The following CAND2 variants were observed in gnomAD, a reference collection of about 807,000 sequenced individuals.
The protein encoded by CAND2 is cullin-associated NEDD8-dissociated protein 2.
Under a neutral mutation model 98.9 loss-of-function variants are expected in CAND2, and 62 were observed. That is an observed-to-expected ratio of 0.63 (90% CI 0.51 to 0.77). The LOEUF is 0.77. Ranked by LOEUF, CAND2 falls within the 30% of genes least tolerant of loss-of-function variation. The pLI is 0.00. For synonymous variants in CAND2, 770 were observed against 731.9 expected, an observed-to-expected ratio of 1.05 and a Z score of -0.84; for missense variants, 1,501 against 1,655.2, an observed-to-expected ratio of 0.91 and a Z score of 1.62.
chr3:12,808,228 A>G lies in CAND2; in HGVS notation c.386A>G (p.Asn129Ser), dbSNP rs2061822516. 2 of 1,551,034 alleles carry G rather than the reference A, an allele frequency of 1.3e-6. No homozygotes were observed. The highest frequency in any genetic ancestry group is 1.7e-6 in the Non-Finnish European group (2 of 1,146,876). The stretch of plus-strand genomic sequence containing the variant: ...TGTGCAGGCTCCGGGCTGGCCACCA[A>G]CGTGTGCCGGAAGATCACAGGCCAG... ...PAATGSGLAT[N>S]VCRKITGQLT... Residue 129 changes from asparagine to serine, a missense_variant, in exon 4 of 15, where the codon AAC (asparagine) becomes AGC (serine). Asn to Ser is a conservative substitution (Grantham distance 46). Around this residue, in one of 3 missense-constraint regions of CAND2, gnomAD observed 1,427 missense variants for 1,545.3 expected, o/e 0.92. Transcript: ENST00000456430.
Position 12,810,093 on chromosome 3 carries a change from C to T in CAND2, c.526C>T (p.Leu176Phe). Reference protein sequence around the residue: ...GVPLGAFHASLLHCLLPQLSS... With the variant: ...GVPLGAFHASFLHCLLPQLSS... ...CCCGCTGGGCGCCTTCCACGCCAGC[C>T]TCCTGCACTGTCTGCTGCCACAGCT... The change falls in exon 5 of 15, where the codon CTC becomes TTC. Residue 176 changes from leucine to phenylalanine, a missense_variant. Physicochemically the swap from Leu to Phe is conservative, Grantham distance 22 (BLOSUM62 0). Coordinates refer to ENST00000456430, the MANE Select transcript of CAND2 (RefSeq NM_001162499.2). 6.7e-7 allele frequency: 1 copy of T among 1,495,840 alleles called. No individual in the cohort carries two copies. The highest frequency in any genetic ancestry group is 8.9e-7 in the Non-Finnish European group (1 of 1,125,258). 92.7% of individuals were successfully genotyped at this position (1,495,840 alleles called of 1,614,324 possible). A position where few individuals can be genotyped will look rare whatever the true frequency, so the allele number is the denominator to read the frequency against.
rs371495819 is a variant in CAND2, at chr3:12,822,579, G to A, written c.3040+2398G>A. ...CTCCCAAAGTGCTGGGATTCCAGAC[G>A]TGAGCCCCCGTGCCCAGCCTCCATC... On this transcript the variant is annotated intron_variant, in intron 11 of 14. Coordinates refer to ENST00000456430, the MANE Select transcript of CAND2 (RefSeq NM_001162499.2). Among the ~76,000 whole-genome samples the A allele has an allele frequency of 5.3e-5, 8 of 152,090 alleles. No homozygotes were observed. In the South Asian group the frequency reaches 6.2e-4, roughly 12 times the overall value.
rs1033557248 is a variant in CAND2, at chr3:12,834,152, A to G, written c.*170A>G. 3 of 609,118 alleles carry G rather than the reference A, an allele frequency of 4.9e-6. No individual in the cohort carries two copies. Among genetic ancestry groups the G allele is most frequent in the Admixed American group, 5.9e-5 (2 of 34,050 alleles). The allele number at this position is 609,118 out of a possible 1,614,324, so 37.7% of individuals were successfully genotyped here. On this transcript the variant is annotated 3_prime_UTR_variant, in exon 15 of 15. Coordinates refer to ENST00000456430, the MANE Select transcript of CAND2 (RefSeq NM_001162499.2). ...GTGCCTTCTCCAGGGACCCAACTCA[A>G]AGGCCCCCAGCCCAAGCTGTGAGGC...
chr3:12,810,385 T>C, intron 5 of CAND2, 61 bp downstream of exon 5: 4 of 1,351,146 alleles, frequency 3.0e-6, no homozygotes, highest in Non-Finnish European at 3.8e-6. Flanking sequence ...GGTGAGCCAA[T>C]GACTCGGTAA....
intron 12 of CAND2, 111 bp from the exon 13 acceptor site, chr3:12,827,329 G>A (rs145618361): frequency 1.2e-5 from 13 of 1,044,062 alleles, no homozygotes; most frequent in Non-Finnish European, 1.8e-5. Context: ...TATAAGGCAC[G>A]ATTTGGGGCT....
At position 12,813,342 on chromosome 3, in the gene CAND2, G is replaced by A. The variant is rs776336567; in HGVS notation, c.960G>A (p.Glu320=). The A allele has an allele frequency of 1.4e-5, 23 of 1,614,046 alleles. No individual in the cohort carries two copies. Among genetic ancestry groups the A allele is most frequent in the African/African-American group, 4.0e-5 (3 of 74,934 alleles). ...CCAACTACAACTACGACAGTGATGA[G>A]GATGAGGAGCAGATGGAGACAGAGG... ...HDPNYNYDSD[E]DEEQMETEDS... is the part of the protein sequence containing the mutation. Residue 320 remains glutamate (E), a synonymous_variant, in exon 7 of 15, where the codon GAG becomes GAA. Coordinates refer to ENST00000456430, the MANE Select transcript of CAND2 (RefSeq NM_001162499.2).
In CAND2 at chr3:12,817,845, T is replaced by C; in HGVS notation, c.2913T>C (p.Leu971=). ...TGGTCCTTGTGAACCCTTCGTTCCT[T>C]CTGCCCCGCTTGCGGAAGCAGCTTG... The part of the protein sequence containing the change: ...GKLVLVNPSF[L]LPRLRKQLAA... Residue 971 remains leucine, a synonymous_variant, in exon 10 of 15, where the codon CTT becomes CTC. Coordinates refer to ENST00000456430, the MANE Select transcript of CAND2 (RefSeq NM_001162499.2). 6.6e-7 allele frequency: 1 copy of C among 1,507,784 alleles called. No homozygotes were observed. Among genetic ancestry groups the C allele is most frequent in the Non-Finnish European group, 8.9e-7 (1 of 1,127,752 alleles). 93.4% of individuals were successfully genotyped at this position (1,507,784 alleles called of 1,614,324 possible).
chr3:12,818,003 G>A, intron 10 of CAND2, 127 bp downstream of exon 10: 3 of 835,196 alleles, frequency 3.6e-6, no homozygotes, highest in South Asian at 2.7e-5. Flanking sequence ...GTATCTATAC[G>A]ACAGAGGCAA....
Position 12,833,831 on chromosome 3 carries a change from C to A in CAND2, c.3560C>A (p.Ala1187Asp). Reference sequence around the variant, plus strand: ...CGCTCTGCAATGAGGGCAGTGGCTGCCCTGCTGACCATCCCCGAGGTGGGG... The same window carrying A: ...CGCTCTGCAATGAGGGCAGTGGCTGACCTGCTGACCATCCCCGAGGTGGGG... ...LKRSAMRAVA[A>D]LLTIPEVGKS... The change falls in exon 15 of 15, where the codon GCC becomes GAC. Residue 1187 changes from alanine to aspartate, a missense_variant. Ala to Asp is a moderately radical substitution (Grantham distance 126, BLOSUM62 -2). Transcript: ENST00000456430. 6.2e-7 allele frequency: 1 copy of A among 1,614,218 alleles called. No homozygotes were observed. The highest frequency in any genetic ancestry group is 8.5e-7 in the Non-Finnish European group (1 of 1,180,028).
chr3:12,832,994 C>T (rs923121662), intron 14 of CAND2, among the ~76,000 whole-genome samples: 2 of 152,144 alleles, frequency 1.3e-5, no homozygotes, highest in African/African-American at 2.4e-5. Flanking sequence ...ACTCTTACGA[C>T]GAGGCAGCTC....
Position 12,834,100 on chromosome 3 carries a change from C to A in CAND2, c.*118C>A. ...TGCCCTTCCACCATCTCACTGGGGG[C>A]CCTGTCGCTCCTGGTCAGGGCTTAC... On this transcript the variant is annotated 3_prime_UTR_variant, in exon 15 of 15. Transcript: ENST00000456430. 2.5e-6 allele frequency: 2 copies of A among 790,732 alleles called. No individual in the cohort carries two copies. The highest frequency in any genetic ancestry group is 4.1e-6 in the Non-Finnish European group (2 of 488,196). The allele number at this position is 790,732 out of a possible 1,614,324, so 49.0% of individuals were successfully genotyped here. A position where few individuals can be genotyped will look rare whatever the true frequency, so the allele number is the denominator to read the frequency against.
Position 12,817,705 on chromosome 3 carries a change from G to A in CAND2, c.2773G>A (p.Ala925Thr), listed in dbSNP as rs774791381. The A allele has an allele frequency of 1.8e-5, 29 of 1,596,328 alleles. No homozygotes were observed. Among genetic ancestry groups the A allele is most frequent in the Non-Finnish European group, 2.1e-5 (25 of 1,170,956 alleles). The change falls in exon 10 of 15, where the codon GCC becomes ACC. Residue 925 changes from alanine (A) to threonine (T), a missense_variant. Coordinates refer to ENST00000456430, the MANE Select transcript of CAND2 (RefSeq NM_001162499.2). Reference protein sequence around the residue: ...LHSLREALGAAQPDSLKPYAE... With the variant: ...LHSLREALGATQPDSLKPYAE... ...CTCACTCAGGGAGGCCCTGGGGGCC[G>A]CCCAGCCTGACAGCCTGAAGCCCTA...
chr3:12,803,683 G>A, intron 2 of CAND2, 52 bp downstream of exon 2: 2 of 1,504,146 alleles, frequency 1.3e-6, no homozygotes, highest in Non-Finnish European at 1.8e-6. Flanking sequence ...TTGTGTGGGA[G>A]CATCCTGGGG....
chr3:12,833,210 T>C (rs2062069626), intron 14 of CAND2, among the ~76,000 whole-genome samples: 1 of 152,088 alleles, frequency 6.6e-6, no homozygotes, highest in South Asian at 2.1e-4. Context: ...CTCCTCTGCC[T>C]AGGTAGGAGA....
In CAND2 at chr3:12,810,098, G is replaced by A; in HGVS notation, c.531G>A (p.Leu177=). The A allele has an allele frequency of 2.0e-6, 3 of 1,500,100 alleles. No homozygotes were observed. The highest frequency in any genetic ancestry group is 1.3e-5 in the South Asian group (1 of 79,320). 92.9% of individuals were successfully genotyped at this position (1,500,100 alleles called of 1,614,324 possible). Residue 177 remains leucine, a synonymous_variant, in exon 5 of 15, where the codon CTG becomes CTA. Coordinates refer to ENST00000456430, the MANE Select transcript of CAND2 (RefSeq NM_001162499.2). ...TGGGCGCCTTCCACGCCAGCCTCCT[G>A]CACTGTCTGCTGCCACAGCTGAGCA... ...VPLGAFHASL[L]HCLLPQLSSP...
chr3:12,813,239 C>G lies in CAND2; in HGVS notation c.864-7C>G. 1 of 1,612,590 alleles carries G rather than the reference C, an allele frequency of 6.2e-7. No individual in the cohort carries two copies. Among genetic ancestry groups the G allele is most frequent in the Non-Finnish European group, 8.5e-7 (1 of 1,179,566 alleles). On this transcript the variant is annotated splice_polypyrimidine_tract_variant and splice_region_variant and intron_variant, in intron 6 of 14. Coordinates refer to ENST00000456430, the MANE Select transcript of CAND2 (RefSeq NM_001162499.2). Reference sequence around the variant, plus strand: ...TCCAGCAAAGCATTCCTCATCCTGCCCCACAGGTGCCCCAAGGAAATGGGT... The same window carrying G: ...TCCAGCAAAGCATTCCTCATCCTGCGCCACAGGTGCCCCAAGGAAATGGGT...
rs767466976 is a variant in CAND2, at chr3:12,803,515, G to A, written c.96G>A (p.Ser32=). ...TCATGGCCACCAGCGACCTGATGTC[G>A]GAGTTGCAGAAGGACTCCATCCAGC... The part of the protein sequence containing the change: ...FRFMATSDLM[S]ELQKDSIQLD... The change falls in exon 2 of 15, where the codon TCG becomes TCA. Residue 32 remains serine (S), a synonymous_variant. Transcript: ENST00000456430. 1.2e-5 allele frequency: 20 copies of A among 1,612,536 alleles called. No homozygotes were observed. Among genetic ancestry groups the A allele is most frequent in the East Asian group, 4.5e-5 (2 of 44,818 alleles).
At position 12,834,258 on chromosome 3, in the gene CAND2, CTG is replaced by C. The variant is rs2062080792; in HGVS notation, c.*278_*279del. ...GAGGAAGTTTTCCAGTGACTTCACA[CTG>C]TACCCCTCCATAGTCTGTCTGGTTC... On this transcript the variant is annotated 3_prime_UTR_variant, in exon 15 of 15. Coordinates refer to ENST00000456430, the MANE Select transcript of CAND2 (RefSeq NM_001162499.2). The C allele has an allele frequency of 4.2e-6, 2 of 470,944 alleles. No homozygotes were observed. The highest frequency in any genetic ancestry group is 4.9e-5 in the South Asian group (2 of 40,774). 29.2% of individuals were successfully genotyped at this position (470,944 alleles called of 1,614,324 possible).
intron 7 of CAND2, 68 bp downstream of exon 7, chr3:12,813,456 C>A (rs1221407491): frequency 2.0e-6 from 3 of 1,526,554 alleles, no homozygotes; most frequent in Non-Finnish European, 2.7e-6. Flanking sequence ...GATCCCCCAA[C>A]CAAAGACAGC....
Sources: gnomAD v4.1 joint callset for allele counts (sites outside exome capture counted in the v4.1 genomes callset) on GRCh38, gnomAD v4.1.1 for gene constraint, gnomAD v4.1.1 regional missense constraint, MANE v1.5 for transcripts, NCBI Gene and HGNC (gene_info 2026-07-23, HGNC 2026-07-21) for gene names.